The following SDCBP variants were observed in gnomAD, a reference collection of about 807,000 sequenced individuals.
SDCBP encodes the protein syndecan binding protein.
SDCBP carries 22 observed loss-of-function variants against 30.5 expected under a neutral mutation model. The observed-to-expected ratio is 0.72, with a 90% CI of 0.52 to 1.03. The LOEUF is 1.03. Among genes scored for constraint, SDCBP ranks in the 50% least tolerant of loss-of-function variants. The pLI, the probability that SDCBP is intolerant of heterozygous loss-of-function variation, is 0.00. For missense variants in SDCBP, 304 were observed against 369.9 expected (o/e 0.82, Z 1.46); for synonymous variants, 103 against 118.7 (o/e 0.87, Z 0.86).
At chr8:58,565,987 A>G (rs1427628448) in intron 2 of SDCBP, among the ~76,000 whole-genome samples, 3 of 152,150 alleles carry the variant, frequency 2.0e-5, no homozygotes, top group African/African-American at 7.2e-5. Flanking sequence ...ATTATGAACA[A>G]TTATTTTCTA....
intron 1 of SDCBP, among the ~76,000 whole-genome samples, chr8:58,555,033 G>C (rs1013441995): frequency 6.6e-6 from 1 of 152,134 alleles, no homozygotes; most frequent in African/African-American, 2.4e-5. Flanking sequence ...AGCTGTATTT[G>C]CCTCCTTGCT....
intron 4 of SDCBP, 132 bp downstream of exon 4, chr8:58,572,446 C>T: frequency 1.7e-6 from 1 of 595,098 alleles, no homozygotes; most frequent in East Asian, 2.8e-5. Context: ...TTTTAGACTT[C>T]CTTTTGGATA....
At chr8:58,576,586 T>C (rs1487085217) in intron 5 of SDCBP, among the ~76,000 whole-genome samples, 1 of 152,220 alleles carries the variant, frequency 6.6e-6, no homozygotes, top group Non-Finnish European at 1.5e-5. Flanking sequence ...ATTAACATCC[T>C]TCACATTTGA....
rs1295897306 is a variant in SDCBP at position 58,577,910 on chromosome 8, TTTTC to T, written c.403-115_403-112del. The stretch of plus-strand genomic sequence containing the variant: ...CTCATATAGTTTTTCCTTTTTTTCT[TTTTC>T]TTTCTTTTTTGTCACTGGGGTAGAG... On this transcript the variant is annotated intron_variant, in intron 5 of 8. Coordinates refer to ENST00000260130, the MANE Select transcript of SDCBP (RefSeq NM_005625.4). The T allele has an allele frequency of 4.2e-5, 31 of 735,828 alleles. No individual in the cohort carries two copies. The African/African-American group carries it at 5.5e-4, about 13-fold the overall frequency. The allele number at this position is 735,828 out of a possible 1,614,324, so 45.6% of individuals were successfully genotyped here. A position where few individuals can be genotyped will look rare whatever the true frequency, so the allele number is the denominator to read the frequency against.
At position 58,570,974 on chromosome 8, in the gene SDCBP, A is replaced by C. The variant is rs1804981933; in HGVS notation, c.130+9A>C. 6.3e-7 allele frequency: 1 copy of C among 1,582,096 alleles called. No homozygotes were observed. The highest frequency in any genetic ancestry group is 1.7e-5 in the Admixed American group (1 of 59,896). On this transcript the variant is annotated intron_variant, in intron 3 of 8. Transcript: ENST00000260130. The stretch of plus-strand genomic sequence containing the variant: ...TATCCCTCACGATGGAAGTAGGTTT[A>C]TACTTTGAGTTCATTCTCTGTGAAC...
At chr8:58,559,925 G>C (rs923384556) in intron 1 of SDCBP, among the ~76,000 whole-genome samples, 1 of 152,174 alleles carries the variant, frequency 6.6e-6, no homozygotes, top group Non-Finnish European at 1.5e-5. Flanking sequence ...CCAGGCTCCT[G>C]GTTTTTCCCT....
In SDCBP at chr8:58,576,059, AAT is replaced by A; in HGVS notation, c.401_402del (p.Asn134ArgfsTer10). On this transcript the variant is annotated frameshift_variant and splice_region_variant, in exon 5 of 9. Transcript: ENST00000260130. LOFTEE classifies it high-confidence loss of function. ...TGGACTCAGGCTTAAATCAATAGAT[AAT>A]GTAAGTATTTTAAATACCTATTTGA... ...KIGLRLKSIDNGIFVQLVQAN... is the reference protein window; with the variant it reads ...KIGLRLKSIDXGIFVQLVQAN... 6.2e-7 allele frequency: 1 copy of A among 1,603,292 alleles called. No individual in the cohort carries two copies. The highest frequency in any genetic ancestry group is 8.5e-7 in the Non-Finnish European group (1 of 1,170,760).
intron 1 of SDCBP, among the ~76,000 whole-genome samples, chr8:58,554,669 AT>A (rs1804000747): frequency 6.6e-6 from 1 of 152,222 alleles, no homozygotes. Context: ...GTACTGTTTA[AT>A]TAAAGAGTTT....
intron 5 of SDCBP, 76 bp downstream of exon 5, chr8:58,576,137 A>G (rs753020132): frequency 9.1e-7 from 1 of 1,094,530 alleles, no homozygotes; most frequent in Non-Finnish European, 1.3e-6. Flanking sequence ...AATAATTTGA[A>G]ATGGAAATGC....
intron 1 of SDCBP, among the ~76,000 whole-genome samples, chr8:58,554,509 T>A (rs1803991445): frequency 1.3e-5 from 2 of 152,224 alleles, no homozygotes; most frequent in Non-Finnish European, 2.9e-5. Context: ...AGAATGACTT[T>A]TAAAATGGTC....
At position 58,565,051 on chromosome 8, in the gene SDCBP, T is replaced by G. The variant is rs1319774030; in HGVS notation, c.18T>G (p.Ser6=). Residue 6 remains serine, a synonymous_variant, in exon 2 of 9, where the codon TCT becomes TCG. Transcript: ENST00000260130. ...CTGCAAAAATGTCTCTCTATCCATCTCTCGAAGACTTGAAGGTAGACAAAG... is the reference window on the plus strand; with the variant it reads ...CTGCAAAAATGTCTCTCTATCCATCGCTCGAAGACTTGAAGGTAGACAAAG... MSLYP[S]LEDLKVDKVI... 2.5e-6 allele frequency: 4 copies of G among 1,590,258 alleles called. No homozygotes were observed. The highest frequency in any genetic ancestry group is 1.7e-6 in the Non-Finnish European group (2 of 1,166,202).
At position 58,572,299 on chromosome 8, in the gene SDCBP, T is replaced by C; in HGVS notation, c.225T>C (p.Gly75=). 6.2e-7 allele frequency: 1 copy of C among 1,606,292 alleles called. No homozygotes were observed. The highest frequency in any genetic ancestry group is 1.1e-5 in the South Asian group (1 of 90,898). The change falls in exon 4 of 9, where the codon GGT becomes GGC. Residue 75 remains glycine (G), a synonymous_variant. Transcript: ENST00000260130. ...GTGCAAATGTGGCCGTGGTTTCTGGTGCACCACTTCAGGGGGTATGTATAG... is the reference window on the plus strand; with the variant it reads ...GTGCAAATGTGGCCGTGGTTTCTGGCGCACCACTTCAGGGGGTATGTATAG... The part of the protein sequence containing the change: ...EIRANVAVVS[G]APLQGQLVAR...
chr8:58,556,698 A>G (rs868108014), intron 1 of SDCBP, among the ~76,000 whole-genome samples: 8 of 151,830 alleles, frequency 5.3e-5, no homozygotes, highest in Non-Finnish European at 1.0e-4. Context: ...AAAATATCAC[A>G]TAAGTATTTA....
intron 1 of SDCBP, among the ~76,000 whole-genome samples, chr8:58,564,196 G>A (rs895575013): frequency 5.9e-5 from 9 of 152,128 alleles, no homozygotes; most frequent in Admixed American, 1.3e-4. Flanking sequence ...AAGTGGATTT[G>A]GAAATGGGAG....
chr8:58,561,796 G>A (rs1170690451), intron 1 of SDCBP: 6 of 689,134 alleles, frequency 8.7e-6, no homozygotes, highest in Non-Finnish European at 1.6e-5. Flanking sequence ...TGTAATGGTG[G>A]TGAGTAAATC....
chr8:58,579,126 C>T (rs999986803), intron 6 of SDCBP, among the ~76,000 whole-genome samples: 1 of 152,152 alleles, frequency 6.6e-6, no homozygotes, highest in Non-Finnish European at 1.5e-5. Context: ...TTAAGTCTTA[C>T]TGCTGCTCTA....
intron 7 of SDCBP, 55 bp from the exon 8 acceptor site, chr8:58,580,462 G>C: frequency 1.1e-6 from 1 of 874,778 alleles, no homozygotes; most frequent in Admixed American, 1.9e-5. Flanking sequence ...GCATAGTTTT[G>C]TATTTATTAA....
chr8:58,564,025 G>C (rs1320379795), intron 1 of SDCBP, among the ~76,000 whole-genome samples: 1 of 152,172 alleles, frequency 6.6e-6, no homozygotes, highest in Non-Finnish European at 1.5e-5. Context: ...ACTCCTGGCA[G>C]GAGTCTGGCT....
chr8:58,561,507 C>CT (rs1804442220), intron 1 of SDCBP: 1 of 353,742 alleles, frequency 2.8e-6, no homozygotes, highest in Non-Finnish European at 5.2e-6. Flanking sequence ...CTGTGGGACT[C>CT]TAAGTGGATT....
Sources: gnomAD v4.1 joint callset for allele counts (sites outside exome capture counted in the v4.1 genomes callset) on GRCh38, gnomAD v4.1.1 for gene constraint, MANE v1.5 for transcripts, NCBI Gene and HGNC (gene_info 2026-07-23, HGNC 2026-07-21) for gene names.